The following XPR1 variants were observed in gnomAD, a reference collection of about 807,000 sequenced individuals.
XPR1 encodes xenotropic and polytropic retrovirus receptor 1, also known as solute carrier family 53 member 1.
XPR1 carries 28 observed loss-of-function variants against 87.5 expected under a neutral mutation model. The observed-to-expected ratio is 0.32, with a 90% CI of 0.24 to 0.44. XPR1 has a LOEUF of 0.44. XPR1 is among the 20% of genes least tolerant of loss of function. The pLI, the probability that XPR1 is intolerant of heterozygous loss-of-function variation, is 1.00. For synonymous variants in XPR1, 300 were observed against 306.1 expected (o/e 0.98, Z 0.21); for missense variants, 559 against 862.3 (o/e 0.65, Z 4.41).
intron 9 of XPR1, among the ~76,000 whole-genome samples, chr1:180,830,913 A>T (rs1249993267): frequency 6.6e-6 from 1 of 152,336 alleles, no homozygotes; most frequent in East Asian, 1.9e-4. Flanking sequence ...TAAAATGGGG[A>T]TATGAATAGT....
chr1:180,695,667 A>G (rs1657141197), intron 2 of XPR1, among the ~76,000 whole-genome samples: 1 of 152,080 alleles, frequency 6.6e-6, no homozygotes, highest in South Asian at 2.1e-4. Flanking sequence ...CAGTTTTCCC[A>G]GCACCATTTT....
At chr1:180,710,802 C>G (rs954856607) in intron 2 of XPR1, among the ~76,000 whole-genome samples, 1 of 148,166 alleles carries the variant, frequency 6.7e-6, no homozygotes, top group Non-Finnish European at 1.5e-5. Flanking sequence ...CCCCACCTCC[C>G]GGATGGGGCG....
intron 2 of XPR1, among the ~76,000 whole-genome samples, chr1:180,785,990 C>T (rs1348909782): frequency 6.6e-6 from 1 of 150,894 alleles, no homozygotes; most frequent in East Asian, 1.9e-4. Context: ...AAAGCTGTGA[C>T]CTGCTTCATG....
At chr1:180,719,164 G>A (rs905357518) in intron 2 of XPR1, among the ~76,000 whole-genome samples, 5 of 152,116 alleles carry the variant, frequency 3.3e-5, no homozygotes, top group Non-Finnish European at 7.4e-5. Context: ...TAAATACCAA[G>A]GAAATGTACA....
intron 2 of XPR1, among the ~76,000 whole-genome samples, chr1:180,697,871 G>A (rs1300285051): frequency 6.6e-6 from 1 of 151,938 alleles, no homozygotes; most frequent in Non-Finnish European, 1.5e-5. Context: ...CTAACATATG[G>A]TCTGTCCTAG....
chr1:180,783,470 C>A (rs1345391719), intron 2 of XPR1, among the ~76,000 whole-genome samples: 1 of 151,726 alleles, frequency 6.6e-6, no homozygotes, highest in Non-Finnish European at 1.5e-5. Flanking sequence ...TGTGAGAATC[C>A]TTCTCATACC....
chr1:180,848,200 A>T (rs12069405), intron 11 of XPR1, among the ~76,000 whole-genome samples: 6,546 of 152,200 alleles, frequency 0.043, 505 homozygotes, highest in African/African-American at 0.15. Flanking sequence ...TAGCTATTTG[A>T]AACTGTATAT....
chr1:180,840,386 T>C (rs1651462859), intron 11 of XPR1, among the ~76,000 whole-genome samples: 1 of 151,992 alleles, frequency 6.6e-6, no homozygotes, highest in Admixed American at 6.6e-5. Flanking sequence ...TTTCCCTTCA[T>C]CTGAGGGTTT....
chr1:180,851,542 G>A (rs1381240089), intron 11 of XPR1, among the ~76,000 whole-genome samples: 1 of 152,144 alleles, frequency 6.6e-6, no homozygotes, highest in Non-Finnish European at 1.5e-5. Context: ...TGTAAACAAT[G>A]CATAATTTTC....
chr1:180,675,499 T>A (rs1045670995), intron 1 of XPR1, among the ~76,000 whole-genome samples: 1 of 152,198 alleles, frequency 6.6e-6, no homozygotes, highest in African/African-American at 2.4e-5. Context: ...TCTTTTGGCA[T>A]AGTGAATTGG....
At chr1:180,841,608 T>C (rs907406052) in intron 11 of XPR1, among the ~76,000 whole-genome samples, 4 of 152,204 alleles carry the variant, frequency 2.6e-5, no homozygotes, top group Non-Finnish European at 5.9e-5. Context: ...CCTTAATGAT[T>C]GTCTTGGCCA....
intron 1 of XPR1, among the ~76,000 whole-genome samples, chr1:180,647,451 G>A (rs1011778371): frequency 6.6e-6 from 1 of 152,218 alleles, no homozygotes; most frequent in Non-Finnish European, 1.5e-5. Context: ...GTGGTCTGTT[G>A]TTGACCAAAA....
chr1:180,776,804 C>T lies in XPR1; in HGVS notation c.122-10949C>T, dbSNP rs567642122. On this transcript the variant is annotated intron_variant, in intron 2 of 14. Transcript: ENST00000367590. ...ATAAATAGCTTGGATTGTATTGTAT[C>T]TAGTGCCAGTGAGATTGATTTTTTT... Among the ~76,000 whole-genome samples, 3 of 152,134 alleles carry T rather than the reference C, an allele frequency of 2.0e-5. No individual in the cohort carries two copies. The South Asian group carries it at 6.2e-4, about 32-fold the overall frequency.
chr1:180,744,284 T>C (rs1279979463), intron 2 of XPR1, among the ~76,000 whole-genome samples: 1 of 152,210 alleles, frequency 6.6e-6, no homozygotes, highest in African/African-American at 2.4e-5. Flanking sequence ...TTTTATTTTA[T>C]TTGTTAAATT....
intron 7 of XPR1, among the ~76,000 whole-genome samples, chr1:180,813,400 C>T (rs895082179): frequency 5.3e-5 from 8 of 152,190 alleles, no homozygotes; most frequent in Non-Finnish European, 1.0e-4. Flanking sequence ...CTAAAATAAT[C>T]TATTCTGTCC....
intron 11 of XPR1, among the ~76,000 whole-genome samples, chr1:180,847,679 G>A (rs149905816): frequency 2.0e-4 from 31 of 152,126 alleles, no homozygotes; most frequent in African/African-American, 6.7e-4. Flanking sequence ...ATTAGGGAAG[G>A]GATTTTCATT....
At chr1:180,813,584 G>T (rs1411299029) in intron 7 of XPR1, among the ~76,000 whole-genome samples, 1 of 152,104 alleles carries the variant, frequency 6.6e-6, no homozygotes, top group Non-Finnish European at 1.5e-5. Context: ...CATAGTAGGG[G>T]CTTGAAAAGT....
chr1:180,832,098 G>A (rs941582304), intron 9 of XPR1, among the ~76,000 whole-genome samples: 16 of 152,328 alleles, frequency 1.1e-4, no homozygotes, highest in African/African-American at 3.1e-4. Context: ...TCTAACTGGT[G>A]TGAGATGGTA....
chr1:180,750,553 A>G (rs1647493307), intron 2 of XPR1, among the ~76,000 whole-genome samples: 1 of 152,126 alleles, frequency 6.6e-6, no homozygotes, highest in Non-Finnish European at 1.5e-5. Flanking sequence ...TAGAAAATCA[A>G]TTGACCATAC....
Sources: gnomAD v4.1 joint callset for allele counts (sites outside exome capture counted in the v4.1 genomes callset) on GRCh38, gnomAD v4.1.1 for gene constraint, MANE v1.5 for transcripts, NCBI Gene and HGNC (gene_info 2026-07-23, HGNC 2026-07-21) for gene names.